Variants in PER2 observed in about 807,000 individuals in gnomAD.
The protein encoded by PER2 is period circadian regulator 2.
In PER2, 66 loss-of-function variants were observed where a neutral mutation model predicts 121.0. The observed-to-expected ratio is 0.55, with a 90% CI of 0.45 to 0.67. PER2 has a LOEUF of 0.67. Ranked by LOEUF, PER2 falls within the 30% of genes least tolerant of loss-of-function variation. The pLI is 0.00. For missense variants in PER2, 1,521 were observed against 1,635.0 expected, an observed-to-expected ratio of 0.93 and a Z score of 1.20; for synonymous variants, 684 against 659.9, an observed-to-expected ratio of 1.04 and a Z score of -0.56.
intron 13 of PER2, among the ~76,000 whole-genome samples, 164 bp downstream of exon 13, chr2:238,260,664 T>TA (rs1315391246): frequency 6.6e-6 from 1 of 152,220 alleles, no homozygotes; most frequent in Admixed American, 6.5e-5. Context: ...TTTCAACTCT[T>TA]AAGAGATTAA....
At chr2:238,298,910 T>C in the PER2 span, 1 of 152,204 alleles carries the variant, frequency 6.6e-6, no homozygotes, top group Non-Finnish European at 1.5e-5. Context: ...AAACTTTGAA[T>C]GCCCAAGGGC....
intron 5 of PER2, 53 bp from the exon 6 acceptor site, chr2:238,271,566 A>G (rs1000360041): frequency 1.3e-5 from 18 of 1,385,106 alleles, no homozygotes; most frequent in Non-Finnish European, 1.8e-5. Flanking sequence ...GTCGGACGCC[A>G]CATCCGACTC....
intron 4 of PER2, among the ~76,000 whole-genome samples, chr2:238,273,808 C>A (rs1031251444): frequency 6.6e-6 from 1 of 152,216 alleles, no homozygotes; most frequent in African/African-American, 2.4e-5. Context: ...GCTGGGACTA[C>A]AGGCACGTGC....
At chr2:238,286,350 G>C (rs1435412395) in intron 1 of PER2, among the ~76,000 whole-genome samples, 1 of 152,176 alleles carries the variant, frequency 6.6e-6, no homozygotes, top group Non-Finnish European at 1.5e-5. Flanking sequence ...GGAACTACCA[G>C]TCTCTGAAAA....
In PER2 at chr2:238,277,759, C is replaced by T. The variant is rs867116952; in HGVS notation, c.178G>A (p.Asp60Asn). Reference protein sequence around the residue: ...GRDSQGSDCDDSGKELGMLVE... With the variant: ...GRDSQGSDCDNSGKELGMLVE... Reference sequence around the variant, plus strand: ...AGCATCCCCAGCTCCTTCCCACTGTCGTCACAGTCACTGCCCTGCGAGTCC... The same window carrying T: ...AGCATCCCCAGCTCCTTCCCACTGTTGTCACAGTCACTGCCCTGCGAGTCC... Residue 60 changes from aspartate (D) to asparagine (N), a missense_variant, in exon 2 of 23, where the codon GAC becomes AAC. Asp to Asn is a conservative substitution (Grantham distance 23). Coordinates refer to ENST00000254657, the MANE Select transcript of PER2 (RefSeq NM_022817.3). The T allele has an allele frequency of 1.1e-5, 18 of 1,614,088 alleles. No homozygotes were observed. Among genetic ancestry groups the T allele is most frequent in the Middle Eastern group, 1.6e-4 (1 of 6,082 alleles).
rs756311705 is a variant in PER2, at chr2:238,246,445, C to T, written c.3698G>A (p.Ser1233Asn). ...YEEDIPSLGL[S>N]EVSDTKEDEN... is the part of the protein sequence containing the mutation. Reference sequence around the variant, plus strand: ...GTCTTCTTTGGTGTCCGACACTTCGCTGAGTCCCAGAGAAGGAATATCTTC... The same window carrying T: ...GTCTTCTTTGGTGTCCGACACTTCGTTGAGTCCCAGAGAAGGAATATCTTC... The change falls in exon 23 of 23, where the codon AGC becomes AAC. Residue 1233 changes from serine (S) to asparagine (N), a missense_variant. Physicochemically the swap from Ser to Asn is conservative, Grantham distance 46. Coordinates refer to ENST00000254657, the MANE Select transcript of PER2 (RefSeq NM_022817.3). The T allele has an allele frequency of 9.6e-5, 154 of 1,609,408 alleles. No homozygotes were observed. Among genetic ancestry groups the T allele is most frequent in the South Asian group, 3.7e-4 (34 of 90,932 alleles).
chr2:238,248,316 C>T (rs1433856133), intron 22 of PER2, among the ~76,000 whole-genome samples: 7 of 152,220 alleles, frequency 4.6e-5, no homozygotes, highest in Admixed American at 3.3e-4. Flanking sequence ...GCAGCTTCCA[C>T]GGTATGTGGG....
chr2:238,271,005 C>G (rs1325419952), intron 6 of PER2, among the ~76,000 whole-genome samples: 1 of 152,242 alleles, frequency 6.6e-6, no homozygotes, highest in Non-Finnish European at 1.5e-5. Flanking sequence ...CCCACTGCCC[C>G]CACGACCCGG....
In PER2 at chr2:238,277,869, G is replaced by C; in HGVS notation, c.68C>G (p.Pro23Arg). ...ATCTTCCTGCAGTGGGACCTGGCTG[G>C]GCTGGGGCTCCACGGGCTCCTTGGT... ...NPTKEPVEPQPSQVPLQEDVD... is the reference protein window; with the variant it reads ...NPTKEPVEPQRSQVPLQEDVD... The change falls in exon 2 of 23, where the codon CCC becomes CGC. Residue 23 changes from proline to arginine, a missense_variant. By Grantham distance (103) the Pro-to-Arg change is moderately radical. Coordinates refer to ENST00000254657, the MANE Select transcript of PER2 (RefSeq NM_022817.3). 1.9e-6 allele frequency: 3 copies of C among 1,614,188 alleles called. No individual in the cohort carries two copies. Among genetic ancestry groups the C allele is most frequent in the Non-Finnish European group, 2.5e-6 (3 of 1,180,034 alleles).
In PER2 at chr2:238,244,301, C is replaced by T. The variant is rs988835836; in HGVS notation, c.*2074G>A. ...TTTAACACCTGTGTAAGCACACACACTAAAGAAAACATGACTTGATGCTTG... is the reference window on the plus strand; with the variant it reads ...TTTAACACCTGTGTAAGCACACACATTAAAGAAAACATGACTTGATGCTTG... On this transcript the variant is annotated 3_prime_UTR_variant, in exon 23 of 23. Transcript: ENST00000254657. 2.0e-5 allele frequency: 3 copies of T among 152,696 alleles called. No individual in the cohort carries two copies. The highest frequency in any genetic ancestry group is 2.0e-4 in the Admixed American group (3 of 15,302). The allele number at this position is 152,696 out of a possible 1,614,324, so 9.5% of individuals were successfully genotyped here.
chr2:238,251,785 T>C, intron 19 of PER2, 24 bp from the exon 20 acceptor site: 1 of 1,385,522 alleles, frequency 7.2e-7, no homozygotes, highest in Non-Finnish European at 9.6e-7. Context: ...AAGCAGATAC[T>C]GCTGTTCAGG....
rs2106368548 is a variant in PER2 at position 238,253,619 on chromosome 2, C to T, written c.2404G>A (p.Val802Ile). ...CTCTCAGATGAGTCTCGAGGTTTGA[C>T]CCGCTTGGACTTCAATTTTCTGTTC... ...GKNRKLKSKRVKPRDSSESTG... is the reference protein window; with the variant it reads ...GKNRKLKSKRIKPRDSSESTG... Residue 802 changes from valine (V) to isoleucine (I), a missense_variant, in exon 19 of 23, where the codon GTC becomes ATC. Val to Ile is a conservative substitution (Grantham distance 29). Coordinates refer to ENST00000254657, the MANE Select transcript of PER2 (RefSeq NM_022817.3). This position sits in a 1 kb window ranked among gnomAD's most constrained non-coding sequence, Gnocchi z 5.6. 1.9e-6 allele frequency: 3 copies of T among 1,609,626 alleles called. No homozygotes were observed. The highest frequency in any genetic ancestry group is 2.5e-6 in the Non-Finnish European group (3 of 1,177,880).
At chr2:238,258,842 TGG>T in intron 14 of PER2, among the ~76,000 whole-genome samples, 198 bp from the exon 15 acceptor site, 1 of 151,106 alleles carries the variant, frequency 6.6e-6, no homozygotes, top group South Asian at 2.1e-4. Context: ...CAGAGAGACC[TGG>T]GGGGGGAGCT....
In PER2 at chr2:238,268,020, G is replaced by A; in HGVS notation, c.967+36C>T. ...CAGGAGTAACTGAGGGGGAGCCAGA[G>A]ACAACATCTGCCCTCGCCCTGGGCT... On this transcript the variant is annotated intron_variant, in intron 8 of 22. Transcript: ENST00000254657. This position sits in a 1 kb window ranked among gnomAD's most constrained non-coding sequence, Gnocchi z 4.0. 2 of 1,610,972 alleles carry A rather than the reference G, an allele frequency of 1.2e-6. No individual in the cohort carries two copies. The highest frequency in any genetic ancestry group is 1.1e-5 in the South Asian group (1 of 90,984).
intron 1 of PER2, among the ~76,000 whole-genome samples, chr2:238,287,359 C>T (rs76784767): frequency 1.3e-5 from 2 of 152,178 alleles, no homozygotes; most frequent in Admixed American, 6.5e-5. Flanking sequence ...CCAAATAAAG[C>T]CTTCAGGTAG....
the PER2 span, among the ~76,000 whole-genome samples, chr2:238,295,987 G>A: frequency 0.35 from 51,883 of 148,388 alleles, 9,670 homozygotes; most frequent in East Asian, 0.46. Flanking sequence ...GTAGGTCAGG[G>A]GATCCACACA....
chr2:238,292,365 T>C (rs1313354378), upstream of PER2, among the ~76,000 whole-genome samples: 2 of 152,198 alleles, frequency 1.3e-5, no homozygotes. Context: ...GCAGTCCCCA[T>C]CTTTCTTCGC....
chr2:238,253,682 T>G lies in PER2; in HGVS notation c.2341A>C (p.Thr781Pro). ...SERTAPGLRN[T>P]SGIDSPWKKT... ...TTCCAAGGTGAATCTATTCCGGAAGTATTTCTTAGTCCAGGGGCAGCTAAT... is the reference window on the plus strand; with the variant it reads ...TTCCAAGGTGAATCTATTCCGGAAGGATTTCTTAGTCCAGGGGCAGCTAAT... Residue 781 changes from threonine (T) to proline (P), a missense_variant, in exon 19 of 23, where the codon ACT (threonine) becomes CCT (proline). Transcript: ENST00000254657. The surrounding 1 kb of genome is among the most constrained non-coding windows in gnomAD (Gnocchi z 5.6). 1.9e-6 allele frequency: 3 copies of G among 1,606,964 alleles called. No individual in the cohort carries two copies. The highest frequency in any genetic ancestry group is 2.6e-6 in the Non-Finnish European group (3 of 1,176,094).
At chr2:238,277,980 C>A (rs763431867) in intron 1 of PER2, 25 bp from the exon 2 acceptor site, 2 of 1,603,300 alleles carry the variant, frequency 1.2e-6, no homozygotes, top group Non-Finnish European at 1.7e-6. Flanking sequence ...GATGCTGTCA[C>A]GCATTAACAA....
Sources: allele counts gnomAD v4.1 joint callset (sites outside exome capture counted in the v4.1 genomes callset), GRCh38; gene constraint gnomAD v4.1.1; non-coding constraint Gnocchi (gnomAD v3.1); transcripts MANE v1.5; gene names NCBI Gene and HGNC (gene_info 2026-07-23, HGNC 2026-07-21).